SMG5: variants seen among roughly 807,000 people sequenced by gnomAD.
SMG5 encodes SMG5 nonsense mediated mRNA decay factor.
SMG5 carries 53 observed loss-of-function variants against 122.9 expected under a neutral mutation model. That is an observed-to-expected ratio of 0.43 (90% CI 0.35 to 0.54). The LOEUF is 0.54. Among genes scored for constraint, SMG5 ranks in the 20% least tolerant of loss-of-function variants. The pLI is 0.01. For synonymous variants in SMG5, 477 were observed against 490.2 expected (o/e 0.97, Z 0.35); for missense variants, 1,153 against 1,285.6 (o/e 0.90, Z 1.58).
At chr1:156,287,606 CTTTTTTTT>C (rs745468403), upstream of SMG5, among the ~76,000 whole-genome samples, 4 of 72,640 alleles carry the variant, frequency 5.5e-5, no homozygotes, top group African/African-American at 1.5e-4. Context: ...TTACTCTCCA[CTTTTTTTT>C]TTTTTTTTTT....
At chr1:156,276,394 T>C (rs969089264) in intron 4 of SMG5, among the ~76,000 whole-genome samples, 3 of 152,218 alleles carry the variant, frequency 2.0e-5, no homozygotes, top group African/African-American at 7.2e-5. Context: ...CTCAAAGTGC[T>C]GGGATTACAG....
At position 156,250,845 on chromosome 1, in the gene SMG5, A is replaced by G. The variant is rs1661315067; in HGVS notation, c.2967+13T>C. On this transcript the variant is annotated intron_variant, in intron 21 of 21. Transcript: ENST00000361813. ...CTATTCCACACCATCCCCCCACCTC[A>G]CCCATGACCCACCTGCATGGGGCCT... is the stretch of plus-strand genomic sequence containing the variant. 6.2e-7 allele frequency: 1 copy of G among 1,613,358 alleles called. No individual in the cohort carries two copies. The highest frequency in any genetic ancestry group is 1.3e-5 in the African/African-American group (1 of 74,962).
Position 156,282,585 on chromosome 1 carries a change from C to T in SMG5, c.74+22G>A, listed in dbSNP as rs567591502. ...CTCCCCACTTCCCTCGGTGGCTGCT[C>T]TCACGCCCTGGCCCCTCTCACCGGT... On this transcript the variant is annotated intron_variant, in intron 1 of 21. Transcript: ENST00000361813. 142 of 1,600,678 alleles carry T rather than the reference C, an allele frequency of 8.9e-5. No homozygotes were observed. In the East Asian group the frequency reaches 1.7e-3, roughly 19 times the overall value.
intron 16 of SMG5, among the ~76,000 whole-genome samples, chr1:156,255,187 C>T (rs139838650): frequency 0.013 from 1,937 of 150,604 alleles, 25 homozygotes; most frequent in Non-Finnish European, 0.018. Context: ...TTTGGGAGAC[C>T]GAGGTCAGGA....
Position 156,250,038 on chromosome 1 carries a change from G to A in SMG5, c.*549C>T, listed in dbSNP as rs1343879957. 6 of 429,154 alleles carry A rather than the reference G, an allele frequency of 1.4e-5. No individual in the cohort carries two copies. The highest frequency in any genetic ancestry group is 2.9e-5 in the Non-Finnish European group (6 of 204,230). The allele number at this position is 429,154 out of a possible 1,614,324, so 26.6% of individuals were successfully genotyped here. ...AGGCCTTGCTTCTCTAACAGCCCCT[G>A]TGGCTGGCTCCAGAGCTGCCTGGTC... On this transcript the variant is annotated 3_prime_UTR_variant, in exon 22 of 22. Coordinates refer to ENST00000361813, the MANE Select transcript of SMG5 (RefSeq NM_015327.3).
chr1:156,290,564 G>C, the SMG5 span: 1 of 148,238 alleles, frequency 6.7e-6, no homozygotes, highest in Non-Finnish European at 1.5e-5. Context: ...TAGGCCAGGC[G>C]CGGTGGCTCA....
rs750471757 is a variant in SMG5 at position 156,250,962 on chromosome 1, G to C, written c.2863C>G (p.Leu955Val). The change falls in exon 21 of 22, where the codon CTG becomes GTG. Residue 955 changes from leucine to valine, a missense_variant. Physicochemically the swap from Leu to Val is conservative, Grantham distance 32. Coordinates refer to ENST00000361813, the MANE Select transcript of SMG5 (RefSeq NM_015327.3). Reference sequence around the variant, plus strand: ...TCACCTGCCCCCTGGGCCAGAGTCAGCTGTTTGCAGCTGTCTAGGATCTTA... The same window carrying C: ...TCACCTGCCCCCTGGGCCAGAGTCACCTGTTTGCAGCTGTCTAGGATCTTA... Reference protein sequence around the residue: ...LYKILDSCKQLTLAQGAGEED... With the variant: ...LYKILDSCKQVTLAQGAGEED... The C allele has an allele frequency of 6.2e-7, 1 of 1,614,042 alleles. No individual in the cohort carries two copies. The highest frequency in any genetic ancestry group is 1.7e-5 in the Admixed American group (1 of 60,018).
At chr1:156,260,790 C>T (rs1661789858) in intron 14 of SMG5, among the ~76,000 whole-genome samples, 164 bp from the exon 15 acceptor site, 1 of 152,066 alleles carries the variant, frequency 6.6e-6, no homozygotes, top group African/African-American at 2.4e-5. Context: ...GAGAGATGGA[C>T]ACATAAGAGC....
At chr1:156,281,082 G>C (rs1373025676) in intron 1 of SMG5, among the ~76,000 whole-genome samples, 1 of 152,180 alleles carries the variant, frequency 6.6e-6, no homozygotes, top group Non-Finnish European at 1.5e-5. Context: ...ATCTTGAGCA[G>C]AGAAATCAGA....
chr1:156,260,665 G>T, intron 14 of SMG5, 39 bp from the exon 15 acceptor site: 1 of 1,461,604 alleles, frequency 6.8e-7, no homozygotes, highest in Non-Finnish European at 9.0e-7. Context: ...TCTGTCCTGT[G>T]GGAACTCCCA....
At position 156,265,036 on chromosome 1, in the gene SMG5, T is replaced by TACACACACACACAC. The variant is rs35457785; in HGVS notation, c.1855+731_1855+744dup. Among the ~76,000 whole-genome samples the TACACACACACACAC allele has an allele frequency of 2.0e-3, 250 of 122,814 alleles. 6 individuals are homozygous for TACACACACACACAC. The highest frequency in any genetic ancestry group is 5.2e-3 in the African/African-American group (159 of 30,848). The allele number at this position is 122,814 out of a possible 152,430, so 80.6% of individuals were successfully genotyped here. On this transcript the variant is annotated intron_variant, in intron 12 of 21. Coordinates refer to ENST00000361813, the MANE Select transcript of SMG5 (RefSeq NM_015327.3). ...GTGAGACTCTGTCTCAAAAAAAAAA[T>TACACACACACACAC]ACACACACACACACACACACACACA...
At chr1:156,264,539 T>C (rs747713835) in intron 12 of SMG5, among the ~76,000 whole-genome samples, 3 of 151,922 alleles carry the variant, frequency 2.0e-5, no homozygotes, top group African/African-American at 4.8e-5. Context: ...TCAACCTCAA[T>C]AGAGTGGAAA....
intron 20 of SMG5, 60 bp downstream of exon 20, chr1:156,251,343 T>G: frequency 6.3e-7 from 1 of 1,577,564 alleles, no homozygotes; most frequent in Non-Finnish European, 8.7e-7. Flanking sequence ...TCCCTAGGAA[T>G]GCTCGTGGAG....
In SMG5 at chr1:156,266,326, G is replaced by A. The variant is rs144789236; in HGVS notation, c.1310C>T (p.Pro437Leu). 1.9e-6 allele frequency: 3 copies of A among 1,614,040 alleles called. No individual in the cohort carries two copies. In the African/African-American group the frequency reaches 4.0e-5, roughly 22 times the overall value. The change falls in exon 12 of 22, where the codon CCT becomes CTT. Residue 437 changes from proline (P) to leucine (L), a missense_variant. This residue lies in a region of SMG5 where 631 missense variants were observed against 650.6 expected (regional missense o/e 0.97). Transcript: ENST00000361813. ...VEKEEEPDPE[P>L]PPVTPQVGEG... ...ACCCACTTGGGGTGTTACAGGAGGA[G>A]GCTCAGGATCTGGCTCCTCCTCTTT... is the stretch of plus-strand genomic sequence containing the variant.
At chr1:156,275,131 T>TAAAAAAA (rs760480249) in intron 4 of SMG5, among the ~76,000 whole-genome samples, 2 of 86,892 alleles carry the variant, frequency 2.3e-5, no homozygotes, top group Non-Finnish European at 4.4e-5. Context: ...TGACGCCAAT[T>TAAAAAAA]AAAAAAAAAA....
At chr1:156,272,420 G>A (rs1420803930) in intron 6 of SMG5, 22 bp from the exon 7 acceptor site, 2 of 1,579,314 alleles carry the variant, frequency 1.3e-6, no homozygotes, top group African/African-American at 1.3e-5. Flanking sequence ...GAGAATTCAT[G>A]CAGTCTAAGG....
chr1:156,252,937 C>A lies in SMG5; in HGVS notation c.2644G>T (p.Val882Phe). 6.2e-7 allele frequency: 1 copy of A among 1,609,420 alleles called. No homozygotes were observed. The highest frequency in any genetic ancestry group is 8.5e-7 in the Non-Finnish European group (1 of 1,177,786). Residue 882 changes from valine to phenylalanine, a missense_variant, in exon 18 of 22, where the codon GTC (valine) becomes TTC (phenylalanine). Val to Phe is a conservative substitution (Grantham distance 50). Transcript: ENST00000361813. ...RQLATSGRFI[V>F]IIPRTVIDGL... ...TACTTACCTGTCCTTGGGATGATGA[C>A]AATGAAGCGGCCACTGGTGGCCAGT...
chr1:156,256,666 C>G (rs1306023645), intron 16 of SMG5, among the ~76,000 whole-genome samples: 1 of 152,026 alleles, frequency 6.6e-6, no homozygotes, highest in Non-Finnish European at 1.5e-5. Context: ...ACATTACCAA[C>G]CCAGCATTTC....
At chr1:156,275,706 G>A (rs1265271654) in intron 4 of SMG5, among the ~76,000 whole-genome samples, 2 of 150,542 alleles carry the variant, frequency 1.3e-5, no homozygotes, top group Non-Finnish European at 3.0e-5. Flanking sequence ...GTGGTTTGGG[G>A]CACTAACCCT....
Sources: allele counts gnomAD v4.1 joint callset (sites outside exome capture counted in the v4.1 genomes callset), GRCh38; gene constraint gnomAD v4.1.1; regional missense constraint gnomAD v4.1.1; transcripts MANE v1.5; gene names NCBI Gene and HGNC (gene_info 2026-07-23, HGNC 2026-07-21).